ZNF77: variants seen among roughly 807,000 people sequenced by gnomAD.
ZNF77 encodes the protein zinc finger protein 77, also known as ZNFpT1.
A neutral mutation model predicts 13.5 loss-of-function variants in ZNF77; 15 were observed. That is an observed-to-expected ratio of 1.11 (90% CI 0.74 to 1.71). The LOEUF (loss-of-function observed/expected upper bound fraction) is 1.71. Among genes scored for constraint, ZNF77 ranks in the 40% most tolerant of loss-of-function variants. The pLI, the probability that ZNF77 is intolerant of heterozygous loss-of-function variation, is 0.00. For synonymous variants in ZNF77, 282 were observed against 250.0 expected (o/e 1.13, Z -1.21); for missense variants, 717 against 676.4 (o/e 1.06, Z -0.67).
At chr19:2,938,899 T>C (rs1194633711) in intron 2 of ZNF77, among the ~76,000 whole-genome samples, 1 of 150,136 alleles carries the variant, frequency 6.7e-6, no homozygotes, top group Non-Finnish European at 1.5e-5. Context: ...GAGCTTGCAG[T>C]GAGCCGAGAT....
intron 2 of ZNF77, among the ~76,000 whole-genome samples, chr19:2,938,689 G>T (rs531460305): frequency 6.6e-6 from 1 of 152,180 alleles, no homozygotes; most frequent in Non-Finnish European, 1.5e-5. Flanking sequence ...GGGCGCGGTG[G>T]CTCACGCCTG....
At chr19:2,937,473 T>C (rs2088407828) in intron 2 of ZNF77, among the ~76,000 whole-genome samples, 1 of 149,898 alleles carries the variant, frequency 6.7e-6, no homozygotes, top group South Asian at 2.1e-4. Context: ...CAATGGGCAG[T>C]AAGAGTGAAA....
At chr19:2,943,634 T>G (rs2088469694) in intron 1 of ZNF77, among the ~76,000 whole-genome samples, 1 of 148,948 alleles carries the variant, frequency 6.7e-6, no homozygotes, top group African/African-American at 2.5e-5. Flanking sequence ...TTTTGAGACC[T>G]GGCAGGTTTC....
intron 1 of ZNF77, among the ~76,000 whole-genome samples, chr19:2,941,906 C>T (rs2088452088): frequency 6.6e-6 from 1 of 152,106 alleles, no homozygotes; most frequent in African/African-American, 2.4e-5. Context: ...CGCCTTTCCC[C>T]TCATCCTAAT....
Position 2,934,561 on chromosome 19 carries a change from G to A in ZNF77, c.566C>T (p.Pro189Leu). 1.2e-6 allele frequency: 2 copies of A among 1,614,140 alleles called. No individual in the cohort carries two copies. Among genetic ancestry groups the A allele is most frequent in the Middle Eastern group, 1.7e-4 (1 of 6,060 alleles). The part of the protein sequence containing the change: ...PPMKTQTVEK[P>L]CNCQDSRTAS... ...TGTCCTTGAGTCCTGGCAATTACAGGGTTTCTCTACAGTCTGCGTTTTCAT... is the reference window on the plus strand; with the variant it reads ...TGTCCTTGAGTCCTGGCAATTACAGAGTTTCTCTACAGTCTGCGTTTTCAT... The change falls in exon 4 of 4, where the codon CCC (proline) becomes CTC (leucine). Residue 189 changes from proline (P) to leucine (L), a missense_variant. Pro to Leu is a moderately conservative substitution (Grantham distance 98). Coordinates refer to ENST00000314531, the MANE Select transcript of ZNF77 (RefSeq NM_021217.3).
At chr19:2,935,317 CTT>C (rs1252033488) in intron 3 of ZNF77, among the ~76,000 whole-genome samples, 13 of 106,068 alleles carry the variant, frequency 1.2e-4, no homozygotes, top group Admixed American at 1.0e-4. Flanking sequence ...CACACCCAGC[CTT>C]TTTTTTTTTT....
intron 3 of ZNF77, 135 bp downstream of exon 3, chr19:2,936,389 T>A: frequency 2.2e-6 from 2 of 891,344 alleles, no homozygotes; most frequent in Non-Finnish European, 1.6e-6. Flanking sequence ...CCTCAGGTGA[T>A]CCACCCGCCT....
rs764633623 is a variant in ZNF77, at chr19:2,934,718, T to C, written c.409A>G (p.Thr137Ala). The C allele has an allele frequency of 6.2e-7, 1 of 1,614,150 alleles. No individual in the cohort carries two copies. The highest frequency in any genetic ancestry group is 8.5e-7 in the Non-Finnish European group (1 of 1,180,028). The stretch of plus-strand genomic sequence containing the variant: ...GTGCACTCAGAGGGTTTAGCTTCGG[T>C]AGGGTAACTCTTGTGCACAAGAAGG... The part of the protein sequence containing the change: ...ANLLVHKSYP[T>A]EAKPSECTKC... Residue 137 changes from threonine (T) to alanine (A), a missense_variant, in exon 4 of 4, where the codon ACC becomes GCC. By Grantham distance (58) the Thr-to-Ala change is moderately conservative. Transcript: ENST00000314531.
intron 1 of ZNF77, chr19:2,939,642 G>A (rs533646596): frequency 2.5e-4 from 127 of 517,308 alleles, no homozygotes; most frequent in African/African-American, 2.1e-3. Context: ...ACTGAGAAAC[G>A]GCAGGTATGA....
Position 2,934,699 on chromosome 19 carries a change from T to C in ZNF77, c.428A>G (p.Glu143Gly). ...KSYPTEAKPSECTKCGKAFEN... is the reference protein window; with the variant it reads ...KSYPTEAKPSGCTKCGKAFEN... ...GAAGGCTTTGCCACACTTAGTGCAC[T>C]CAGAGGGTTTAGCTTCGGTAGGGTA... The change falls in exon 4 of 4, where the codon GAG becomes GGG. Residue 143 changes from glutamate to glycine, a missense_variant. Physicochemically the swap from Glu to Gly is moderately conservative, Grantham distance 98 (BLOSUM62 -2). Coordinates refer to ENST00000314531, the MANE Select transcript of ZNF77 (RefSeq NM_021217.3). The C allele has an allele frequency of 5.0e-6, 8 of 1,614,142 alleles. No individual in the cohort carries two copies. Among genetic ancestry groups the C allele is most frequent in the Non-Finnish European group, 6.8e-6 (8 of 1,180,032 alleles).
intron 1 of ZNF77, among the ~76,000 whole-genome samples, chr19:2,942,597 G>A (rs1164991487): frequency 6.6e-6 from 1 of 151,954 alleles, no homozygotes; most frequent in Non-Finnish European, 1.5e-5. Flanking sequence ...CACAGACGAG[G>A]CTGTTCGCAG....
intron 1 of ZNF77, among the ~76,000 whole-genome samples, 173 bp downstream of exon 1, chr19:2,944,665 C>G (rs546883387): frequency 1.3e-3 from 191 of 152,302 alleles, no homozygotes; most frequent in African/African-American, 4.5e-3. Flanking sequence ...TCACCCCAGA[C>G]TGCCCCCAGC....
chr19:2,934,929 C>T (rs2088382655), intron 3 of ZNF77, 114 bp from the exon 4 acceptor site: 2 of 1,346,710 alleles, frequency 1.5e-6, no homozygotes, highest in African/African-American at 1.5e-5. Flanking sequence ...CTGAATGGTT[C>T]TATTTTCAGC....
At chr19:2,940,457 A>G (rs1451314761) in intron 1 of ZNF77, among the ~76,000 whole-genome samples, 1 of 151,908 alleles carries the variant, frequency 6.6e-6, no homozygotes, top group Non-Finnish European at 1.5e-5. Flanking sequence ...GGCGGATCAC[A>G]AGGTTAAGAG....
chr19:2,942,937 C>T (rs558171896), intron 1 of ZNF77, among the ~76,000 whole-genome samples: 71 of 152,224 alleles, frequency 4.7e-4, no homozygotes, highest in African/African-American at 1.7e-3. Context: ...CACACTACCA[C>T]GCCCGGCTAA....
chr19:2,941,034 G>C (rs2088444058), intron 1 of ZNF77, among the ~76,000 whole-genome samples: 1 of 151,906 alleles, frequency 6.6e-6, no homozygotes, highest in Non-Finnish European at 1.5e-5. Flanking sequence ...AATTAGCCAG[G>C]CATGGTGGGG....
At chr19:2,938,744 C>G (rs958024297) in intron 2 of ZNF77, among the ~76,000 whole-genome samples, 1 of 152,090 alleles carries the variant, frequency 6.6e-6, no homozygotes, top group East Asian at 1.9e-4. Context: ...ATCACGAGGT[C>G]AGGAGATCGA....
rs1178506856 is a variant in ZNF77 at position 2,936,712 on chromosome 19, A to G, written c.131-8T>C. 6.3e-7 allele frequency: 1 copy of G among 1,595,788 alleles called. No homozygotes were observed. The highest frequency in any genetic ancestry group is 1.4e-5 in the African/African-American group (1 of 73,906). ...TAACATAAATGTAACAATCTGCAAC[A>G]ATCAATTACACAATTTCTTAGGAGA... On this transcript the variant is annotated splice_polypyrimidine_tract_variant and splice_region_variant and intron_variant, in intron 2 of 3. Coordinates refer to ENST00000314531, the MANE Select transcript of ZNF77 (RefSeq NM_021217.3).
chr19:2,943,262 C>G (rs187397511), intron 1 of ZNF77, among the ~76,000 whole-genome samples: 1 of 151,908 alleles, frequency 6.6e-6, no homozygotes, highest in African/African-American at 2.4e-5. Flanking sequence ...TCTCCTGCCT[C>G]TAATCCAACT....
Sources: gnomAD v4.1 joint callset for allele counts (sites outside exome capture counted in the v4.1 genomes callset) on GRCh38, gnomAD v4.1.1 for gene constraint, MANE v1.5 for transcripts, NCBI Gene and HGNC (gene_info 2026-07-23, HGNC 2026-07-21) for gene names.